The following ANKS1B variants were observed in gnomAD, a reference collection of about 807,000 sequenced individuals.
ANKS1B encodes ankyrin repeat and sterile alpha motif domain-containing protein 1B.
ANKS1B carries 36 observed loss-of-function variants against 148.3 expected under a neutral mutation model. The observed-to-expected ratio is 0.24, with a 90% confidence interval of 0.19 to 0.32. The LOEUF (loss-of-function observed/expected upper bound fraction) is 0.32, where lower values mean the gene tolerates loss of function less well. Ranked by LOEUF, ANKS1B falls within the 10% of genes least tolerant of loss-of-function variation. The probability of loss-of-function intolerance (pLI) is 1.00; values close to 1 mark genes in which losing one functional copy is unlikely to be tolerated. For missense variants in ANKS1B, 1,157 were observed against 1,542.6 expected, an observed-to-expected ratio of 0.75 and a Z score of 4.19; for synonymous variants, 542 against 560.8, an observed-to-expected ratio of 0.97 and a Z score of 0.47.
At chr12:99,019,738 C>A (rs1236735047) in intron 17 of ANKS1B, among the ~76,000 whole-genome samples, 1 of 152,076 alleles carries the variant, frequency 6.6e-6, no homozygotes, top group East Asian at 1.9e-4. Flanking sequence ...ATATGAATGA[C>A]TATTTTTCTA....
rs1244098399 is a variant in ANKS1B at position 99,481,548 on chromosome 12, G to C, written c.1438+22928C>G. 4.0e-5 allele frequency among the ~76,000 whole-genome samples: 6 copies of C among 151,802 alleles called. No individual in the cohort carries two copies. The East Asian group carries it at 1.2e-3, about 29-fold the overall frequency. On this transcript the variant is annotated intron_variant, in intron 10 of 26. Transcript: ENST00000683438. ...CATATAATGACTTCTTTTCCTTTGG[G>C]TAGACCTAGTAGTAGGATTGCTGTA... is the stretch of plus-strand genomic sequence containing the variant.
intron 12 of ANKS1B, among the ~76,000 whole-genome samples, chr12:99,265,140 A>G (rs1259322505): frequency 3.3e-5 from 5 of 152,192 alleles, no homozygotes; most frequent in Non-Finnish European, 7.4e-5. Flanking sequence ...CACATGTAGT[A>G]GTGGCTACTG....
chr12:99,209,751 C>T (rs1392551757), intron 14 of ANKS1B, among the ~76,000 whole-genome samples: 2 of 152,180 alleles, frequency 1.3e-5, no homozygotes, highest in Non-Finnish European at 2.9e-5. Context: ...TGATCAAAAA[C>T]TGCCTAAATC....
At chr12:98,839,677 C>T (rs778256681) in intron 17 of ANKS1B, among the ~76,000 whole-genome samples, 10 of 152,076 alleles carry the variant, frequency 6.6e-5, no homozygotes, top group Non-Finnish European at 1.5e-4. Context: ...AGAATCATGC[C>T]TTCCACTTCT....
intron 19 of ANKS1B, among the ~76,000 whole-genome samples, chr12:98,819,142 T>G (rs1451016375): frequency 2.0e-5 from 3 of 152,242 alleles, no homozygotes; most frequent in Non-Finnish European, 4.4e-5. Flanking sequence ...AACTAAGTCT[T>G]AGAAAGGTCT....
chr12:99,223,923 G>A (rs892417261), intron 14 of ANKS1B, among the ~76,000 whole-genome samples: 6 of 152,102 alleles, frequency 3.9e-5, no homozygotes, highest in East Asian at 1.9e-4. Flanking sequence ...TGAGCACTTC[G>A]TTGTCATACT....
chr12:99,404,783 T>C (rs1412935717), intron 11 of ANKS1B, among the ~76,000 whole-genome samples: 2 of 145,430 alleles, frequency 1.4e-5, no homozygotes, highest in Admixed American at 6.8e-5. Flanking sequence ...AAGATCTCAA[T>C]ATTCAAGTAT....
intron 12 of ANKS1B, among the ~76,000 whole-genome samples, chr12:99,301,379 A>T (rs1315812014): frequency 6.6e-6 from 1 of 152,198 alleles, no homozygotes; most frequent in African/African-American, 2.4e-5. Context: ...AAAGAAAAAA[A>T]CTTTGACAAA....
intron 17 of ANKS1B, among the ~76,000 whole-genome samples, chr12:98,876,672 T>C (rs1690512947): frequency 1.3e-5 from 2 of 152,190 alleles, no homozygotes. Context: ...TGGGTTTCTT[T>C]TGACAATAGG....
At chr12:99,064,842 C>T (rs1032532389) in intron 16 of ANKS1B, among the ~76,000 whole-genome samples, 6 of 152,258 alleles carry the variant, frequency 3.9e-5, no homozygotes, top group Admixed American at 3.3e-4. Flanking sequence ...CTCCCTGAAG[C>T]TTTGCGTAAA....
chr12:99,336,933 T>G (rs1164212998), intron 12 of ANKS1B, among the ~76,000 whole-genome samples: 1 of 152,158 alleles, frequency 6.6e-6, no homozygotes. Context: ...TTCAGGATCC[T>G]TTCTTTACAT....
chr12:99,077,062 G>A (rs2372638), intron 16 of ANKS1B, among the ~76,000 whole-genome samples: 99,970 of 152,008 alleles, frequency 0.66, 33,132 homozygotes, highest in East Asian at 0.89. Flanking sequence ...AATACAAAAA[G>A]CAAAACAAAA....
At chr12:99,109,747 G>A (rs1257877201) in intron 15 of ANKS1B, among the ~76,000 whole-genome samples, 1 of 148,324 alleles carries the variant, frequency 6.7e-6, no homozygotes, top group African/African-American at 2.6e-5. Context: ...TCTAGCATTT[G>A]TCTTTATGCA....
At chr12:99,128,318 TA>T (rs1030878380) in intron 15 of ANKS1B, among the ~76,000 whole-genome samples, 7 of 152,232 alleles carry the variant, frequency 4.6e-5, no homozygotes, top group African/African-American at 1.7e-4. Context: ...TGACCTTCTA[TA>T]AATAACATTG....
chr12:98,900,922 G>A (rs770253736), intron 17 of ANKS1B, among the ~76,000 whole-genome samples: 2 of 152,168 alleles, frequency 1.3e-5, no homozygotes, highest in African/African-American at 4.8e-5. Context: ...CAACTAACAC[G>A]TGACTTTCTC....
intron 8 of ANKS1B, among the ~76,000 whole-genome samples, chr12:99,718,031 G>A (rs1353082250): frequency 6.6e-6 from 1 of 150,434 alleles, no homozygotes; most frequent in African/African-American, 2.4e-5. Context: ...AGCCTCCCGA[G>A]TAGCTGGGAC....
At chr12:99,513,006 C>T (rs1389697131) in intron 9 of ANKS1B, among the ~76,000 whole-genome samples, 1 of 151,658 alleles carries the variant, frequency 6.6e-6, no homozygotes, top group East Asian at 1.9e-4. Flanking sequence ...CACACGTTTA[C>T]CTAACAAACT....
At chr12:98,939,237 A>C (rs1386449946) in intron 17 of ANKS1B, among the ~76,000 whole-genome samples, 2 of 152,250 alleles carry the variant, frequency 1.3e-5, no homozygotes, top group Non-Finnish European at 2.9e-5. Flanking sequence ...CTAGAGAATC[A>C]GAGTGAATAT....
intron 8 of ANKS1B, among the ~76,000 whole-genome samples, chr12:99,656,712 C>T (rs191627724): frequency 1.1e-3 from 162 of 152,010 alleles, no homozygotes; most frequent in Non-Finnish European, 2.0e-3. Flanking sequence ...TGAGGAAAAA[C>T]TTCACTCTAA....
Sources: gnomAD v4.1 joint callset for allele counts (sites outside exome capture counted in the v4.1 genomes callset) on GRCh38, gnomAD v4.1.1 for gene constraint, MANE v1.5 for transcripts, NCBI Gene and HGNC (gene_info 2026-07-23, HGNC 2026-07-21) for gene names.